The following CTIF variants were observed in gnomAD, a reference collection of about 807,000 sequenced individuals.
CTIF encodes the protein cap binding complex dependent translation initiation factor, also known as CBP80/20-dependent translation initiation factor.
CTIF carries 21 observed loss-of-function variants against 66.0 expected under a neutral mutation model. The ratio of observed to expected loss-of-function variants is 0.32; its 90% CI spans 0.23 to 0.46. CTIF has a LOEUF of 0.46. Ranked by LOEUF, CTIF falls within the 20% of genes least tolerant of loss-of-function variation. The probability of loss-of-function intolerance (pLI) is 1.00; values close to 1 mark genes in which losing one functional copy is unlikely to be tolerated. For synonymous variants in CTIF, 345 were observed against 326.4 expected, an observed-to-expected ratio of 1.06 and a Z score of -0.62; for missense variants, 739 against 812.7, an observed-to-expected ratio of 0.91 and a Z score of 1.10.
At chr18:48,738,773 A>C (rs1173441884) in intron 7 of CTIF, among the ~76,000 whole-genome samples, 1 of 152,182 alleles carries the variant, frequency 6.6e-6, no homozygotes, top group Non-Finnish European at 1.5e-5. Flanking sequence ...TGTTCTGTTT[A>C]TCTTCTGCAT....
intron 5 of CTIF, among the ~76,000 whole-genome samples, chr18:48,667,399 G>A (rs1352234379): frequency 1.3e-5 from 2 of 152,174 alleles, no homozygotes; most frequent in African/African-American, 2.4e-5. Flanking sequence ...CTTCAGGAGG[G>A]AGACTTCCCT....
intron 1 of CTIF, among the ~76,000 whole-genome samples, chr18:48,603,369 A>AGATGGATGGATGGATG (rs754747962): frequency 0.065 from 8,057 of 123,312 alleles, 756 homozygotes; most frequent in African/African-American, 0.2. Flanking sequence ...ATAGGTGGGT[A>AGATGGATGGATGGATG]GATGGATGGA....
chr18:48,614,419 T>G (rs914698352), intron 1 of CTIF, among the ~76,000 whole-genome samples: 2 of 152,196 alleles, frequency 1.3e-5, no homozygotes, highest in African/African-American at 4.8e-5. Context: ...CAAAGCAGCA[T>G]TATTCACAAC....
chr18:48,777,602 G>C (rs2146021483), intron 9 of CTIF, among the ~76,000 whole-genome samples: 1 of 152,328 alleles, frequency 6.6e-6, no homozygotes, highest in African/African-American at 2.4e-5. Flanking sequence ...CATGGGTCCT[G>C]GATTCCCTGG....
rs573776145 is a variant in CTIF, at chr18:48,688,760, A to G, written c.507+18016A>G. On this transcript the variant is annotated intron_variant, in intron 6 of 11. Coordinates refer to ENST00000256413, the MANE Select transcript of CTIF (RefSeq NM_014772.3). ...TTGGTCCTTGTACAAGGCTCACAGG[A>G]CATCTGTTTAATAATGTATTCTAGA... Among the ~76,000 whole-genome samples the G allele has an allele frequency of 2.3e-4, 35 of 152,330 alleles. No homozygotes were observed. The South Asian group carries it at 6.2e-3, about 27-fold the overall frequency.
chr18:48,781,068 G>GC, intron 9 of CTIF, among the ~76,000 whole-genome samples: 1 of 152,304 alleles, frequency 6.6e-6, no homozygotes, highest in South Asian at 2.1e-4. Context: ...GGCTTTGTGA[G>GC]CCCCCCTCTT....
intron 1 of CTIF, among the ~76,000 whole-genome samples, chr18:48,602,823 GTGGATGAATGGATGGATGGA>G (rs1400348029): frequency 4.0e-5 from 6 of 150,514 alleles, no homozygotes; most frequent in East Asian, 2.0e-4. Flanking sequence ...GGATGAATGG[GTGGATGAATGGATGGATGGA>G]TGGATGAATG....
Position 48,633,837 on chromosome 18 carries a change from C to T in CTIF, c.181-2777C>T, listed in dbSNP as rs146484883. Among the ~76,000 whole-genome samples the T allele has an allele frequency of 3.3e-3, 502 of 152,154 alleles. 12 individuals are homozygous for T. Among genetic ancestry groups the T allele is most frequent in the Admixed American group, 0.022 (329 of 15,288 alleles). On this transcript the variant is annotated intron_variant, in intron 2 of 11. Coordinates refer to ENST00000256413, the MANE Select transcript of CTIF (RefSeq NM_014772.3). The stretch of plus-strand genomic sequence containing the variant: ...TTTGGAATTATTTTAGACTTATAGC[C>T]AAGGTGCAGAATGGAACAGGGTGTT...
At chr18:48,574,374 T>C (rs1488780862) in intron 1 of CTIF, among the ~76,000 whole-genome samples, 1 of 152,248 alleles carries the variant, frequency 6.6e-6, no homozygotes, top group Non-Finnish European at 1.5e-5. Context: ...CATTATCCTG[T>C]GCATAAAAAC....
At chr18:48,628,184 G>C (rs962319307) in intron 2 of CTIF, among the ~76,000 whole-genome samples, 1 of 152,168 alleles carries the variant, frequency 6.6e-6, no homozygotes, top group African/African-American at 2.4e-5. Context: ...AGCAGCTCTG[G>C]GGGGCAAAGG....
Position 48,761,466 on chromosome 18 carries a change from G to T in CTIF, c.1148G>T (p.Arg383Leu), listed in dbSNP as rs761006728. 3 of 1,614,154 alleles carry T rather than the reference G, an allele frequency of 1.9e-6. No individual in the cohort carries two copies. The Middle Eastern group carries it at 4.9e-4, about 266-fold the overall frequency. ...CTGATCGAGATCCTGAACAGCATGC[G>T]GAACAACAGCAGCGACGTGGACACC... ...DKLIEILNSM[R>L]NNSSDVDTKL... The change falls in exon 9 of 12, where the codon CGG becomes CTG. Residue 383 changes from arginine (R) to leucine (L), a missense_variant. By Grantham distance (102) the Arg-to-Leu change is moderately radical. Transcript: ENST00000256413. This position sits in a 1 kb window ranked among gnomAD's most constrained non-coding sequence, Gnocchi z 4.2.
At chr18:48,640,506 C>G (rs142715548) in intron 3 of CTIF, among the ~76,000 whole-genome samples, 3 of 152,182 alleles carry the variant, frequency 2.0e-5, no homozygotes, top group African/African-American at 4.8e-5. Context: ...CTGGGGCCAT[C>G]AGGATGATGG....
Position 48,772,033 on chromosome 18 carries a change from C to T in CTIF, c.1371+10344C>T, listed in dbSNP as rs117210695. Among the ~76,000 whole-genome samples, 3 of 152,350 alleles carry T rather than the reference C, an allele frequency of 2.0e-5. No homozygotes were observed. The East Asian group carries it at 5.8e-4, about 29-fold the overall frequency. On this transcript the variant is annotated intron_variant, in intron 9 of 11. Coordinates refer to ENST00000256413, the MANE Select transcript of CTIF (RefSeq NM_014772.3). ...CCCCAGGGAGGCTCCCAGCCACTAC[C>T]AAGAGAGAGCAGTGGCCCCTGGGCA... is the stretch of plus-strand genomic sequence containing the variant.
At chr18:48,851,088 G>A (rs1300991228) in intron 10 of CTIF, among the ~76,000 whole-genome samples, 2 of 152,194 alleles carry the variant, frequency 1.3e-5, no homozygotes, top group South Asian at 4.1e-4. Flanking sequence ...AAGGTTGGAA[G>A]GGGGGGCTCT....
chr18:48,769,804 C>T lies in CTIF; in HGVS notation c.1371+8115C>T, dbSNP rs1028276514. 3.9e-5 allele frequency among the ~76,000 whole-genome samples: 6 copies of T among 152,248 alleles called. 1 individual carries two copies. Among genetic ancestry groups the T allele is most frequent in the African/African-American group, 7.2e-5 (3 of 41,462 alleles). ...TTCTCCAATCTTTATTTCTTCTCAA[C>T]GCTTATTGAGCACCTGCTATATACC... On this transcript the variant is annotated intron_variant, in intron 9 of 11. Transcript: ENST00000256413.
intron 7 of CTIF, among the ~76,000 whole-genome samples, chr18:48,733,351 T>C (rs1244492466): frequency 6.6e-6 from 1 of 152,176 alleles, no homozygotes; most frequent in Non-Finnish European, 1.5e-5. Context: ...TGGGAGTCAC[T>C]GCCTCCATGT....
At chr18:48,856,298 C>T (rs73956046) in intron 10 of CTIF, among the ~76,000 whole-genome samples, 1,943 of 152,304 alleles carry the variant, frequency 0.013, 51 homozygotes, top group African/African-American at 0.044. Flanking sequence ...AACCCTCATG[C>T]ATTGCTAGTG....
intron 10 of CTIF, among the ~76,000 whole-genome samples, chr18:48,844,421 G>A (rs2069021881): frequency 6.6e-6 from 1 of 152,228 alleles, no homozygotes; most frequent in South Asian, 2.1e-4. Flanking sequence ...TGTCTACCCT[G>A]AGCCCCAAAT....
chr18:48,571,579 T>A (rs1325705076), intron 1 of CTIF, among the ~76,000 whole-genome samples: 1 of 152,246 alleles, frequency 6.6e-6, no homozygotes, highest in Non-Finnish European at 1.5e-5. Flanking sequence ...TGTACCTTGC[T>A]TTTTTCATCT....
Sources: gnomAD v4.1 joint callset for allele counts (sites outside exome capture counted in the v4.1 genomes callset) on GRCh38, gnomAD v4.1.1 for gene constraint, Gnocchi (gnomAD v3.1) non-coding constraint, MANE v1.5 for transcripts, NCBI Gene and HGNC (gene_info 2026-07-23, HGNC 2026-07-21) for gene names.